The following NEBL variants were observed in gnomAD, a reference collection of about 807,000 sequenced individuals.
The protein encoded by NEBL is LIM and SH3 protein 2.
NEBL carries 122 observed loss-of-function variants against 140.2 expected under a neutral mutation model. The observed-to-expected ratio is 0.87, with a 90% CI of 0.75 to 1.01. The LOEUF (loss-of-function observed/expected upper bound fraction) is 1.01. Ranked by LOEUF, NEBL falls within the 50% of genes least tolerant of loss-of-function variation. NEBL has a pLI of 0.00. For synonymous variants in NEBL, 436 were observed against 398.9 expected (o/e 1.09, Z -1.11); for missense variants, 1,365 against 1,231.3 (o/e 1.11, Z -1.62).
At chr10:20,817,734 G>A (rs751280507) in intron 20 of NEBL, 42 bp from the exon 21 acceptor site, 1 of 1,446,068 alleles carries the variant, frequency 6.9e-7, no homozygotes, top group Admixed American at 1.7e-5. Context: ...AGCACAATGG[G>A]CTCCACTGAA....
chr10:21,248,740 C>A (rs532322947), intron 2 of NEBL, among the ~76,000 whole-genome samples: 26 of 152,304 alleles, frequency 1.7e-4, no homozygotes, highest in Admixed American at 3.3e-4. Context: ...GACAAACCAC[C>A]ATACCATTTT....
chr10:20,909,483 A>G (rs1848240673), intron 4 of NEBL, among the ~76,000 whole-genome samples: 1 of 152,184 alleles, frequency 6.6e-6, no homozygotes, highest in African/African-American at 2.4e-5. Context: ...AATGGAAAAT[A>G]CTTTTAAGAG....
At chr10:21,031,271 G>A (rs1833772590) in intron 2 of NEBL, among the ~76,000 whole-genome samples, 1 of 152,162 alleles carries the variant, frequency 6.6e-6, no homozygotes, top group South Asian at 2.1e-4. Context: ...CTCACCATGA[G>A]AAAGCTGCCA....
Position 20,819,505 on chromosome 10 carries a change from T to C in NEBL, c.1974A>G (p.Lys658=). Residue 658 remains lysine (K), a synonymous_variant, in exon 20 of 28, where the codon AAA becomes AAG. Coordinates refer to ENST00000377122, the MANE Select transcript of NEBL (RefSeq NM_006393.3). ...CCGGAGTGGCCTTGTAGTTTTGCTC[T>C]TTATACTGGAGCTGAGAGACAAGGT... The part of the protein sequence containing the change: ...NQKNISNLQY[K]EQNYKATPVS... The C allele has an allele frequency of 6.2e-7, 1 of 1,614,070 alleles. No homozygotes were observed. Among genetic ancestry groups the C allele is most frequent in the South Asian group, 1.1e-5 (1 of 91,080 alleles).
At chr10:21,288,907 G>A (rs1378441114) in intron 1 of NEBL, among the ~76,000 whole-genome samples, 25 of 131,456 alleles carry the variant, frequency 1.9e-4, no homozygotes, top group African/African-American at 4.5e-4. Context: ...GGAGTGCAGC[G>A]GCAGGATCTC....
At position 20,868,817 on chromosome 10, in the gene NEBL, A is replaced by G. The variant is rs1234670872; in HGVS notation, c.583-52T>C. The stretch of plus-strand genomic sequence containing the variant: ...AAATATTTCTACCCTCCAATGATGA[A>G]CTACATTGACATTAGCCAAAAAAAA... On this transcript the variant is annotated intron_variant, in intron 6 of 27. Transcript: ENST00000377122. The G allele has an allele frequency of 1.5e-5, 19 of 1,261,864 alleles. No individual in the cohort carries two copies. The Admixed American group carries it at 3.4e-4, about 23-fold the overall frequency. The allele number at this position is 1,261,864 out of a possible 1,614,324, so 78.2% of individuals were successfully genotyped here. A position where few individuals can be genotyped will look rare whatever the true frequency, so the allele number is the denominator to read the frequency against.
intron 2 of NEBL, among the ~76,000 whole-genome samples, chr10:21,066,804 G>A (rs1005700346): frequency 4.0e-5 from 5 of 126,200 alleles, no homozygotes; most frequent in Non-Finnish European, 7.1e-5. Flanking sequence ...CTCTTACATC[G>A]ATTTTCTTAC....
At chr10:20,958,221 C>G (rs1835894774) in intron 4 of NEBL, among the ~76,000 whole-genome samples, 2 of 152,178 alleles carry the variant, frequency 1.3e-5, no homozygotes, top group African/African-American at 2.4e-5. Flanking sequence ...TATTTGGACA[C>G]TGTCCCTTAA....
intron 3 of NEBL, among the ~76,000 whole-genome samples, chr10:20,986,008 G>A (rs1837243878): frequency 6.6e-6 from 1 of 152,140 alleles, no homozygotes; most frequent in African/African-American, 2.4e-5. Flanking sequence ...TGGACCTGGT[G>A]GCATTACAAG....
At chr10:20,846,908 A>G (rs1842004787) in intron 11 of NEBL, among the ~76,000 whole-genome samples, 1 of 152,188 alleles carries the variant, frequency 6.6e-6, no homozygotes, top group Non-Finnish European at 1.5e-5. Context: ...GAAATAAGAC[A>G]AAGAACTTTT....
At chr10:20,815,581 A>C in intron 22 of NEBL, 44 bp downstream of exon 22, 1 of 1,422,486 alleles carries the variant, frequency 7.0e-7, no homozygotes. Context: ...AAATAATAAA[A>C]GACACATCCT....
At chr10:21,144,284 A>G (rs868015432) in intron 2 of NEBL, among the ~76,000 whole-genome samples, 2 of 152,362 alleles carry the variant, frequency 1.3e-5, no homozygotes, top group Non-Finnish European at 2.9e-5. Flanking sequence ...GGCTGCTGGT[A>G]CTAGAAGAAA....
intron 2 of NEBL, among the ~76,000 whole-genome samples, chr10:21,088,783 G>T (rs1213775848): frequency 6.6e-6 from 1 of 152,212 alleles, no homozygotes; most frequent in Admixed American, 6.5e-5. Flanking sequence ...ACTACCAACT[G>T]GCAGAGGCCA....
intron 2 of NEBL, among the ~76,000 whole-genome samples, chr10:21,046,010 C>T (rs555233106): frequency 6.6e-6 from 1 of 151,960 alleles, no homozygotes; most frequent in African/African-American, 2.4e-5. Context: ...ATGTGGTACA[C>T]ACACACACAC....
intron 3 of NEBL, among the ~76,000 whole-genome samples, chr10:21,201,010 G>T (rs184662474): frequency 1.3e-5 from 2 of 151,846 alleles, no homozygotes; most frequent in Admixed American, 6.6e-5. Flanking sequence ...GAGCCCAGGA[G>T]ATCGAGGCTG....
At chr10:20,987,668 A>T (rs528018152) in intron 3 of NEBL, among the ~76,000 whole-genome samples, 1 of 152,252 alleles carries the variant, frequency 6.6e-6, no homozygotes, top group South Asian at 2.1e-4. Flanking sequence ...GACTGAAGGG[A>T]TTATAGCAAT....
chr10:20,856,357 C>T (rs879368202), intron 9 of NEBL, among the ~76,000 whole-genome samples: 4 of 152,248 alleles, frequency 2.6e-5, no homozygotes, highest in Non-Finnish European at 4.4e-5. Context: ...AGGAGTGGCA[C>T]GCTTTCTTCC....
chr10:20,833,704 C>T (rs992981699), intron 14 of NEBL, among the ~76,000 whole-genome samples: 4 of 149,938 alleles, frequency 2.7e-5, no homozygotes, highest in African/African-American at 4.9e-5. Flanking sequence ...TGCAGTGAGC[C>T]GAGATTGCAC....
chr10:21,169,067 A>AAAAATATAT (rs1554830679), intron 2 of NEBL, among the ~76,000 whole-genome samples: 8 of 23,064 alleles, frequency 3.5e-4, no homozygotes, highest in East Asian at 1.3e-3. Context: ...AAAAAAAAAA[A>AAAAATATAT]ATATATATAT....
Sources: allele counts gnomAD v4.1 joint callset (sites outside exome capture counted in the v4.1 genomes callset), GRCh38; gene constraint gnomAD v4.1.1; transcripts MANE v1.5; gene names NCBI Gene and HGNC (gene_info 2026-07-23, HGNC 2026-07-21).